The following PPP3CA variants were observed in gnomAD, a reference collection of about 807,000 sequenced individuals.
PPP3CA encodes the protein protein phosphatase 3 catalytic subunit alpha.
In PPP3CA, 14 loss-of-function variants were observed where a neutral mutation model predicts 66.5. The ratio of observed to expected loss-of-function variants is 0.21; its 90% confidence interval spans 0.14 to 0.33. PPP3CA has a LOEUF of 0.33. Among genes scored for constraint, PPP3CA ranks in the 10% least tolerant of loss-of-function variants. The pLI is 1.00. For synonymous variants in PPP3CA, 232 were observed against 226.2 expected (o/e 1.03, Z -0.23); for missense variants, 317 against 639.5 (o/e 0.50, Z 5.44).
Position 101,090,395 on chromosome 4 carries a change from T to G in PPP3CA, c.782+3381A>C, listed in dbSNP as rs1015337778. Reference sequence around the variant, plus strand: ...GGCTCATGCCTGTAATCCCAGCACTTTGGGAGGCCGAGGTGGATGGATCAC... The same window carrying G: ...GGCTCATGCCTGTAATCCCAGCACTGTGGGAGGCCGAGGTGGATGGATCAC... On this transcript the variant is annotated intron_variant, in intron 6 of 13. Transcript: ENST00000394854. 2.0e-5 allele frequency among the ~76,000 whole-genome samples: 3 copies of G among 152,026 alleles called. No individual in the cohort carries two copies. In the South Asian group the frequency reaches 6.2e-4, roughly 32 times the overall value.
chr4:101,085,853 CACACAG>C (rs34601107), intron 6 of PPP3CA, among the ~76,000 whole-genome samples: 19,915 of 137,842 alleles, frequency 0.14, 1,571 homozygotes, highest in African/African-American at 0.26. Flanking sequence ...CACACACACA[CACACAG>C]AGAGAGAGAG....
intron 10 of PPP3CA, among the ~76,000 whole-genome samples, chr4:101,059,336 A>G (rs553661809): frequency 6.6e-6 from 1 of 152,262 alleles, no homozygotes; most frequent in South Asian, 2.1e-4. Context: ...TTTTAAATAT[A>G]TCCATTTTCC....
intron 2 of PPP3CA, chr4:101,171,149 G>T (rs1462112316): frequency 2.2e-6 from 1 of 455,520 alleles, no homozygotes; most frequent in African/African-American, 2.0e-5. Flanking sequence ...CCTGCCATGT[G>T]TGAAATCTCC....
At chr4:101,135,056 C>T (rs1181722899) in intron 2 of PPP3CA, among the ~76,000 whole-genome samples, 2 of 151,948 alleles carry the variant, frequency 1.3e-5, no homozygotes, top group Non-Finnish European at 2.9e-5. Context: ...ACATCACACA[C>T]CAGGGCCTGT....
chr4:101,089,158 A>G (rs1353408014), intron 6 of PPP3CA, among the ~76,000 whole-genome samples: 1 of 152,194 alleles, frequency 6.6e-6, no homozygotes, highest in African/African-American at 2.4e-5. Flanking sequence ...GGAACTGGCC[A>G]TAGAGTTTAC....
chr4:101,298,964 A>G (rs1018428536), intron 1 of PPP3CA, among the ~76,000 whole-genome samples: 1 of 151,950 alleles, frequency 6.6e-6, no homozygotes, highest in Non-Finnish European at 1.5e-5. Context: ...TTGTGCGAAC[A>G]TTAGAGTGTA....
chr4:101,117,161 A>T (rs1369620013), intron 2 of PPP3CA, among the ~76,000 whole-genome samples: 2 of 151,890 alleles, frequency 1.3e-5, no homozygotes, highest in African/African-American at 4.8e-5. Context: ...CAGGGAAATT[A>T]AAAAAGAAAG....
rs145489403 is a variant in PPP3CA, at chr4:101,340,136, T to C, written c.58+6603A>G. Among the ~76,000 whole-genome samples, 460 of 152,320 alleles carry C rather than the reference T, an allele frequency of 3.0e-3. 1 individual carries two copies. The highest frequency in any genetic ancestry group is 0.01 in the African/African-American group (418 of 41,580). On this transcript the variant is annotated intron_variant, in intron 1 of 13. Coordinates refer to ENST00000394854, the MANE Select transcript of PPP3CA (RefSeq NM_000944.5). ...CATTGTAAACTAGTATGTCATAATA[T>C]TGAGATAGCTTTTATAAATCCCTGA...
intron 1 of PPP3CA, among the ~76,000 whole-genome samples, chr4:101,320,740 G>A (rs1051572416): frequency 1.3e-5 from 2 of 152,036 alleles, no homozygotes; most frequent in African/African-American, 2.4e-5. Context: ...TGGCAAACAG[G>A]CTGGCCTAAC....
At chr4:101,185,544 T>G (rs1184202251) in intron 2 of PPP3CA, among the ~76,000 whole-genome samples, 1 of 152,206 alleles carries the variant, frequency 6.6e-6, no homozygotes, top group Non-Finnish European at 1.5e-5. Flanking sequence ...AACATTCTAA[T>G]TTTTACTTCA....
chr4:101,044,737 C>A (rs1166701270), intron 10 of PPP3CA, among the ~76,000 whole-genome samples: 1 of 152,022 alleles, frequency 6.6e-6, no homozygotes, highest in Non-Finnish European at 1.5e-5. Flanking sequence ...CTCAATTTTT[C>A]CTCAACATGG....
intron 1 of PPP3CA, among the ~76,000 whole-genome samples, chr4:101,237,399 G>A (rs1726164088): frequency 6.6e-6 from 1 of 151,890 alleles, no homozygotes; most frequent in Non-Finnish European, 1.5e-5. Flanking sequence ...CAGTTATTGA[G>A]TAGCTAAAAC....
chr4:101,151,892 A>G (rs1467142923), intron 2 of PPP3CA, among the ~76,000 whole-genome samples: 5 of 151,906 alleles, frequency 3.3e-5, no homozygotes, highest in Non-Finnish European at 2.9e-5. Context: ...TCCTGACCTC[A>G]TGATTTGCCT....
chr4:101,302,632 C>T (rs558640268), intron 1 of PPP3CA, among the ~76,000 whole-genome samples: 9 of 152,306 alleles, frequency 5.9e-5, no homozygotes, highest in South Asian at 4.1e-4. Context: ...CTGGTTCAAG[C>T]GATTCTCCTG....
intron 1 of PPP3CA, among the ~76,000 whole-genome samples, chr4:101,202,382 T>G (rs1724994822): frequency 6.6e-6 from 1 of 152,172 alleles, no homozygotes; most frequent in African/African-American, 2.4e-5. Context: ...ACTAAGGAGT[T>G]TTCACTGAAT....
chr4:101,187,931 T>C (rs1314224388), intron 2 of PPP3CA, among the ~76,000 whole-genome samples: 1 of 152,162 alleles, frequency 6.6e-6, no homozygotes, highest in African/African-American at 2.4e-5. Flanking sequence ...CAAACGATCC[T>C]TTGTTTGAAA....
chr4:101,226,253 C>T (rs756317), intron 1 of PPP3CA, among the ~76,000 whole-genome samples: 117,243 of 151,472 alleles, frequency 0.77, 45,738 homozygotes, highest in Non-Finnish European at 0.81. Context: ...TGCACACATA[C>T]AGGTACTTGC....
chr4:101,041,393 T>C (rs569603575), intron 10 of PPP3CA, among the ~76,000 whole-genome samples: 3 of 151,798 alleles, frequency 2.0e-5, no homozygotes, highest in South Asian at 2.1e-4. Context: ...CCGAGGTACA[T>C]TGGAAGAAGT....
intron 10 of PPP3CA, among the ~76,000 whole-genome samples, chr4:101,059,530 G>A (rs1472254689): frequency 2.0e-5 from 3 of 152,092 alleles, no homozygotes; most frequent in Non-Finnish European, 4.4e-5. Context: ...TGTATGAACA[G>A]GTTTATTATA....
Sources: gnomAD v4.1 joint callset for allele counts (sites outside exome capture counted in the v4.1 genomes callset) on GRCh38, gnomAD v4.1.1 for gene constraint, MANE v1.5 for transcripts, NCBI Gene and HGNC (gene_info 2026-07-23, HGNC 2026-07-21) for gene names.